HEATR5A: variants seen among roughly 807,000 people sequenced by gnomAD.
The protein encoded by HEATR5A is HEAT repeat containing 5A, also known as HEAT repeat-containing protein 5A.
In HEATR5A, 178 loss-of-function variants were observed where a neutral mutation model predicts 218.8. The ratio of observed to expected loss-of-function variants is 0.81; its 90% CI spans 0.72 to 0.92. HEATR5A has a LOEUF of 0.92. Ranked by LOEUF, HEATR5A falls within the 40% of genes least tolerant of loss-of-function variation. The pLI, the probability that HEATR5A is intolerant of heterozygous loss-of-function variation, is 0.00. For synonymous variants in HEATR5A, 864 were observed against 871.6 expected (o/e 0.99, Z 0.15); for missense variants, 2,420 against 2,418.9 (o/e 1.00, Z -0.01).
At chr14:31,417,648 G>T (rs2031497586) in intron 1 of HEATR5A, among the ~76,000 whole-genome samples, 1 of 151,978 alleles carries the variant, frequency 6.6e-6, no homozygotes, top group Non-Finnish European at 1.5e-5. Flanking sequence ...TACTCCGGAG[G>T]CTGAGGCAGG....
chr14:31,294,298 G>C (rs1899106693), intron 34 of HEATR5A, among the ~76,000 whole-genome samples, 194 bp from the exon 35 acceptor site: 1 of 152,136 alleles, frequency 6.6e-6, no homozygotes, highest in South Asian at 2.1e-4. Context: ...GAATGGGAAA[G>C]AGGCATATAG....
chr14:31,309,170 T>TA lies in HEATR5A; in HGVS notation c.4453dup (p.Tyr1485LeufsTer6). On this transcript the variant is annotated frameshift_variant, in exon 29 of 36. Transcript: ENST00000543095. LOFTEE classifies it high-confidence loss of function. ...TGCATTTTCACTAGTCTCTGCTGTG[T>TA]AGAAAGCACCACCTAAAGCAAACAG... The TA allele has an allele frequency of 6.2e-7, 1 of 1,613,526 alleles. No individual in the cohort carries two copies. The highest frequency in any genetic ancestry group is 2.2e-5 in the East Asian group (1 of 44,872).
chr14:31,311,798 T>C (rs73257359), intron 28 of HEATR5A, among the ~76,000 whole-genome samples: 1,794 of 152,272 alleles, frequency 0.012, 32 homozygotes, highest in African/African-American at 0.041. Context: ...AATTTACTTT[T>C]GCAAAAGGGT....
intron 21 of HEATR5A, chr14:31,340,362 G>GA (rs11408327): frequency 0.9 from 628,178 of 695,330 alleles, 286,108 homozygotes; most frequent in Non-Finnish European, 0.93. Flanking sequence ...AGATGCAGAG[G>GA]AAACAAACAT....
intron 11 of HEATR5A, among the ~76,000 whole-genome samples, 165 bp downstream of exon 11, chr14:31,380,302 A>C (rs1157300129): frequency 6.6e-6 from 1 of 152,270 alleles, no homozygotes; most frequent in East Asian, 1.9e-4. Context: ...AGCAATGACG[A>C]AAGTAAAAGG....
intron 33 of HEATR5A, among the ~76,000 whole-genome samples, chr14:31,301,551 T>C (rs914573664): frequency 3.3e-5 from 5 of 152,198 alleles, no homozygotes; most frequent in African/African-American, 1.2e-4. Context: ...AATATCCTTA[T>C]TTATTACTCA....
chr14:31,316,303 C>G (rs1278587233), intron 26 of HEATR5A, among the ~76,000 whole-genome samples: 3 of 147,512 alleles, frequency 2.0e-5, no homozygotes, highest in Non-Finnish European at 4.5e-5. Flanking sequence ...AAACAAAAAA[C>G]AAACAAAAAA....
chr14:31,329,454 C>G (rs1051460607), intron 22 of HEATR5A, among the ~76,000 whole-genome samples: 2 of 152,158 alleles, frequency 1.3e-5, no homozygotes, highest in Non-Finnish European at 2.9e-5. Flanking sequence ...GCAGTCCCCA[C>G]GCAAGTCCAA....
At chr14:31,379,724 C>T (rs780186114) in intron 11 of HEATR5A, among the ~76,000 whole-genome samples, 11 of 152,054 alleles carry the variant, frequency 7.2e-5, no homozygotes, top group Non-Finnish European at 5.9e-5. Context: ...GAGGCCAAGG[C>T]GGAAGGACTG....
intron 21 of HEATR5A, chr14:31,340,566 T>G (rs1900808194): frequency 2.6e-6 from 2 of 777,840 alleles, no homozygotes; most frequent in Non-Finnish European, 3.7e-6. Context: ...AGCATTAAAA[T>G]ATAAATGTTG....
intron 21 of HEATR5A, among the ~76,000 whole-genome samples, chr14:31,341,573 A>T (rs916931806): frequency 9.9e-5 from 15 of 151,904 alleles, no homozygotes; most frequent in African/African-American, 3.6e-4. Flanking sequence ...TTTTCTTAAA[A>T]TTTTTTGTAG....
At chr14:31,344,629 T>C (rs1900964625) in intron 20 of HEATR5A, among the ~76,000 whole-genome samples, 1 of 151,550 alleles carries the variant, frequency 6.6e-6, no homozygotes, top group Admixed American at 6.6e-5. Context: ...ACACAAATTA[T>C]TAGGCAAAGA....
At chr14:31,338,929 C>T (rs1011600073) in intron 21 of HEATR5A, among the ~76,000 whole-genome samples, 2 of 151,766 alleles carry the variant, frequency 1.3e-5, no homozygotes, top group African/African-American at 4.8e-5. Context: ...CCACCCTGGC[C>T]AACATGGTGA....
At chr14:31,344,645 C>A (rs1019056346) in intron 20 of HEATR5A, among the ~76,000 whole-genome samples, 1 of 151,518 alleles carries the variant, frequency 6.6e-6, no homozygotes, top group Non-Finnish European at 1.5e-5. Flanking sequence ...AAAGAAGAAC[C>A]TAAGACTATC....
At chr14:31,415,198 G>A (rs1378308758) in intron 1 of HEATR5A, among the ~76,000 whole-genome samples, 1 of 152,156 alleles carries the variant, frequency 6.6e-6, no homozygotes, top group Non-Finnish European at 1.5e-5. Context: ...CTAAAATTTA[G>A]CTAAATTTCT....
At chr14:31,331,956 G>A (rs147108469) in intron 22 of HEATR5A, among the ~76,000 whole-genome samples, 2 of 152,272 alleles carry the variant, frequency 1.3e-5, no homozygotes, top group Non-Finnish European at 2.9e-5. Flanking sequence ...GATGAGATTT[G>A]GATTGGGACA....
chr14:31,364,728 A>G (rs1901741169), intron 13 of HEATR5A, among the ~76,000 whole-genome samples: 1 of 150,530 alleles, frequency 6.6e-6, no homozygotes, highest in South Asian at 2.1e-4. Flanking sequence ...CTGGCCACAA[A>G]ATATGATCTT....
At chr14:31,371,943 C>A in intron 12 of HEATR5A, 34 bp from the exon 13 acceptor site, 7 of 1,047,998 alleles carry the variant, frequency 6.7e-6, no homozygotes, top group Non-Finnish European at 9.9e-6. Flanking sequence ...CTTGGGCATA[C>A]TGTAATCAAC....
At chr14:31,343,230 T>C (rs1457473199) in intron 21 of HEATR5A, among the ~76,000 whole-genome samples, 1 of 152,100 alleles carries the variant, frequency 6.6e-6, no homozygotes, top group Non-Finnish European at 1.5e-5. Context: ...GTAGCTGGGA[T>C]TACAGGCACC....
Sources: allele counts gnomAD v4.1 joint callset (sites outside exome capture counted in the v4.1 genomes callset), GRCh38; gene constraint gnomAD v4.1.1; transcripts MANE v1.5; gene names NCBI Gene and HGNC (gene_info 2026-07-23, HGNC 2026-07-21).